Variants in UVSSA observed in about 807,000 individuals in gnomAD.
UVSSA encodes UV-stimulated scaffold protein A.
A neutral mutation model predicts 73.9 loss-of-function variants in UVSSA; 72 were observed. The observed-to-expected ratio is 0.97, with a 90% CI of 0.81 to 1.19. The LOEUF (loss-of-function observed/expected upper bound fraction) is 1.19. Among genes scored for constraint, UVSSA ranks in the 50% most tolerant of loss-of-function variants. UVSSA has a pLI of 0.00. For synonymous variants in UVSSA, 454 were observed against 391.3 expected, an observed-to-expected ratio of 1.16 and a Z score of -1.89; for missense variants, 1,150 against 965.0, an observed-to-expected ratio of 1.19 and a Z score of -2.54.
intron 7 of UVSSA, among the ~76,000 whole-genome samples, chr4:1,362,209 A>T (rs1716746386): frequency 6.6e-6 from 1 of 152,248 alleles, no homozygotes; most frequent in Admixed American, 6.5e-5. Context: ...AAGCCAGCAG[A>T]GGCCGGAGTG....
chr4:1,375,429 G>A lies in UVSSA; in HGVS notation c.1354G>A (p.Glu452Lys), dbSNP rs1232484194. The change falls in exon 9 of 14, where the codon GAG (glutamate) becomes AAG (lysine). Residue 452 changes from glutamate to lysine, a missense_variant. Physicochemically the swap from Glu to Lys is moderately conservative, Grantham distance 56. Coordinates refer to ENST00000389851, the MANE Select transcript of UVSSA (RefSeq NM_020894.4). ...RCLRTRTRMD[E>K]EVSDPTSAAA... ...CTTGCGGACGAGGACGAGGATGGAC[G>A]AGGAGGTGTCGGACCCCACCTCTGC... 4 of 1,612,984 alleles carry A rather than the reference G, an allele frequency of 2.5e-6. No homozygotes were observed. Among genetic ancestry groups the A allele is most frequent in the Admixed American group, 1.7e-5 (1 of 60,028 alleles).
At chr4:1,363,135 T>TTCAAA (rs1716874862) in intron 7 of UVSSA, among the ~76,000 whole-genome samples, 1 of 152,074 alleles carries the variant, frequency 6.6e-6, no homozygotes, top group Admixed American at 6.6e-5. Flanking sequence ...CCTCAGTAGT[T>TTCAAA]GCAAGCTGAA....
chr4:1,342,358 C>T (rs972479814), upstream of UVSSA, among the ~76,000 whole-genome samples: 6 of 152,126 alleles, frequency 3.9e-5, no homozygotes, highest in South Asian at 2.1e-4. Flanking sequence ...TGACCTGATG[C>T]GCTGATTGTA....
chr4:1,368,781 G>T (rs766238460), intron 8 of UVSSA, among the ~76,000 whole-genome samples: 5 of 152,266 alleles, frequency 3.3e-5, no homozygotes, highest in Admixed American at 2.0e-4. Flanking sequence ...CAGGCCCCAG[G>T]CTCAGCAGAT....
chr4:1,354,721 G>A lies in UVSSA; in HGVS notation c.935-14G>A, dbSNP rs1446017324. 6.2e-7 allele frequency: 1 copy of A among 1,611,300 alleles called. No homozygotes were observed. Among genetic ancestry groups the A allele is most frequent in the African/African-American group, 1.3e-5 (1 of 74,954 alleles). On this transcript the variant is annotated splice_polypyrimidine_tract_variant and intron_variant, in intron 5 of 13. Coordinates refer to ENST00000389851, the MANE Select transcript of UVSSA (RefSeq NM_020894.4). ...GTCGGCGCCCTCTTGTGACCTCTGT[G>A]TGCTTCTCCCCAGAGGGCCTGAAGG...
rs1260273305 is a variant in UVSSA, at chr4:1,349,796, T to C, written c.371T>C (p.Phe124Ser). 3.8e-6 allele frequency: 6 copies of C among 1,595,114 alleles called. No individual in the cohort carries two copies. The highest frequency in any genetic ancestry group is 1.8e-5 in the Admixed American group (1 of 57,104). ...GCCGTGGAAGGGTGGAATGAGAAGTTTGGGGAGGCCTACAAGAAGCTTGCC... is the reference window on the plus strand; with the variant it reads ...GCCGTGGAAGGGTGGAATGAGAAGTCTGGGGAGGCCTACAAGAAGCTTGCC... ...TRAVEGWNEK[F>S]GEAYKKLALG... Residue 124 changes from phenylalanine (F) to serine (S), a missense_variant, in exon 3 of 14, where the codon TTT becomes TCT. Transcript: ENST00000389851.
chr4:1,393,400 C>T (rs1720448246), exon 14 of UVSSA: 1 of 152,106 alleles, frequency 6.6e-6, no homozygotes, highest in African/African-American at 2.4e-5. Flanking sequence ...ATTTAAAGTA[C>T]TTGTCTAAGC....
intron 8 of UVSSA, among the ~76,000 whole-genome samples, chr4:1,373,017 G>T (rs963507866): frequency 2.6e-5 from 4 of 152,178 alleles, no homozygotes; most frequent in African/African-American, 9.7e-5. Context: ...ACCTCAAAAG[G>T]CCTTGTCTCC....
In UVSSA at chr4:1,394,719, G is replaced by A. The variant is rs150808425; in HGVS notation, c.*8758G>A. 117 of 1,525,174 alleles carry A rather than the reference G, an allele frequency of 7.7e-5. No individual in the cohort carries two copies. Among genetic ancestry groups the A allele is most frequent in the Non-Finnish European group, 9.5e-5 (108 of 1,132,426 alleles). 94.5% of individuals were successfully genotyped at this position (1,525,174 alleles called of 1,614,324 possible). ...GGAGTGCCCGCCTGCTCACACACGT[G>A]TCCATGTGGAGTGCCCACCTGCTCA... is the stretch of plus-strand genomic sequence containing the variant. On this transcript the variant is annotated 3_prime_UTR_variant, in exon 14 of 14. Transcript: ENST00000511216.
chr4:1,358,043 G>A (rs1251811717), intron 7 of UVSSA: 2 of 152,350 alleles, frequency 1.3e-5, no homozygotes, highest in Non-Finnish European at 2.9e-5. Context: ...CCCACGTGGT[G>A]GAGCCGCCAG....
chr4:1,348,129 C>A lies in UVSSA; in HGVS notation c.38C>A (p.Thr13Lys), dbSNP rs772561562. Residue 13 changes from threonine to lysine, a missense_variant, in exon 2 of 14, where the codon ACA (threonine) becomes AAA (lysine). Transcript: ENST00000389851. ...CTTTCGAAGTTGGTAGAAGAGCTCACAACTTCAGGAGAACCCCGACTAAAT... is the reference window on the plus strand; with the variant it reads ...CTTTCGAAGTTGGTAGAAGAGCTCAAAACTTCAGGAGAACCCCGACTAAAT... The part of the protein sequence containing the change: ...QKLSKLVEEL[T>K]TSGEPRLNPE... 1 of 1,613,904 alleles carries A rather than the reference C, an allele frequency of 6.2e-7. No individual in the cohort carries two copies. The highest frequency in any genetic ancestry group is 2.2e-5 in the East Asian group (1 of 44,878).
rs1720077601 is a variant in UVSSA at position 1,385,974 on chromosome 4, A to T, written c.*13A>T. 6.2e-7 allele frequency: 1 copy of T among 1,613,660 alleles called. No individual in the cohort carries two copies. Among genetic ancestry groups the T allele is most frequent in the Non-Finnish European group, 8.5e-7 (1 of 1,179,874 alleles). ...CGCACTGAACTAGAGAGCGGGGCCC[A>T]GTGCACTGGCCATCAGCACTTTCTC... is the stretch of plus-strand genomic sequence containing the variant. On this transcript the variant is annotated 3_prime_UTR_variant, in exon 14 of 14. Transcript: ENST00000389851.
chr4:1,375,983 C>T, intron 9 of UVSSA, 51 bp from the exon 10 acceptor site: 1 of 1,558,484 alleles, frequency 6.4e-7, no homozygotes, highest in African/African-American at 1.4e-5. Flanking sequence ...AGGAGGGTGG[C>T]TGTGGGTGGC....
At chr4:1,354,132 G>C (rs1715267062) in intron 5 of UVSSA, among the ~76,000 whole-genome samples, 1 of 152,262 alleles carries the variant, frequency 6.6e-6, no homozygotes, top group Non-Finnish European at 1.5e-5. Flanking sequence ...AAGCTGCTGG[G>C]AGAACTGATC....
chr4:1,354,199 G>T (rs147665925), intron 5 of UVSSA, among the ~76,000 whole-genome samples: 3 of 152,248 alleles, frequency 2.0e-5, no homozygotes, highest in Non-Finnish European at 2.9e-5. Flanking sequence ...CCTGTGCGGG[G>T]TGGACACCGC....
intron 12 of UVSSA, among the ~76,000 whole-genome samples, chr4:1,382,841 A>G (rs572308024): frequency 5.9e-5 from 9 of 152,196 alleles, no homozygotes; most frequent in Non-Finnish European, 1.3e-4. Flanking sequence ...CCACTGGCTC[A>G]GCTCGTGGGG....
In UVSSA at chr4:1,361,326, G is replaced by A. The variant is rs192889902; in HGVS notation, c.1177-4994G>A. The stretch of plus-strand genomic sequence containing the variant: ...GTCTGTCTGAGCCTCATTACTGGGA[G>A]TGACCTGGGTTAGACGAGAATGGGA... On this transcript the variant is annotated intron_variant, in intron 7 of 13. Coordinates refer to ENST00000389851, the MANE Select transcript of UVSSA (RefSeq NM_020894.4). 1.2e-3 allele frequency among the ~76,000 whole-genome samples: 181 copies of A among 152,370 alleles called. 1 individual carries two copies. Among genetic ancestry groups the A allele is most frequent in the Middle Eastern group, 6.8e-3 (2 of 294 alleles).
chr4:1,373,395 T>C (rs1316362112), intron 8 of UVSSA, among the ~76,000 whole-genome samples: 1 of 152,172 alleles, frequency 6.6e-6, no homozygotes, highest in Non-Finnish European at 1.5e-5. Flanking sequence ...CGTTGGCAGC[T>C]GACTAGATGG....
At position 1,380,849 on chromosome 4, in the gene UVSSA, C is replaced by T. The variant is rs763310669; in HGVS notation, c.1753-31C>T. On this transcript the variant is annotated intron_variant, in intron 11 of 13. Coordinates refer to ENST00000389851, the MANE Select transcript of UVSSA (RefSeq NM_020894.4). ...TGGTCAAGGCAAGCGGACCCCTCCCCGCCATCAGCCACCGTGTCCTCGCTG... is the reference window on the plus strand; with the variant it reads ...TGGTCAAGGCAAGCGGACCCCTCCCTGCCATCAGCCACCGTGTCCTCGCTG... 35 of 1,602,664 alleles carry T rather than the reference C, an allele frequency of 2.2e-5. 1 individual carries two copies. The highest frequency in any genetic ancestry group is 1.7e-4 in the South Asian group (15 of 90,434).
Sources: gnomAD v4.1 joint callset for allele counts (sites outside exome capture counted in the v4.1 genomes callset) on GRCh38, gnomAD v4.1.1 for gene constraint, MANE v1.5 for transcripts, NCBI Gene and HGNC (gene_info 2026-07-23, HGNC 2026-07-21) for gene names.